KAZN: variants seen among roughly 807,000 people sequenced by gnomAD.
KAZN encodes kazrin, periplakin interacting protein, also known as kazrin.
In KAZN, 40 loss-of-function variants were observed where a neutral mutation model predicts 87.4. That is an observed-to-expected ratio of 0.46 (90% CI 0.36 to 0.60). The LOEUF (loss-of-function observed/expected upper bound fraction) is 0.60, where lower values mean the gene tolerates loss of function less well. Ranked by LOEUF, KAZN falls within the 20% of genes least tolerant of loss-of-function variation. The pLI is 0.00. For synonymous variants in KAZN, 466 were observed against 458.3 expected (o/e 1.02, Z -0.22); for missense variants, 898 against 1,073.9 (o/e 0.84, Z 2.29).
At chr1:14,445,500 C>T (rs34533856) in intron 2 of KAZN, among the ~76,000 whole-genome samples, 38,656 of 152,084 alleles carry the variant, frequency 0.25, 5,639 homozygotes, top group Middle Eastern at 0.42. Flanking sequence ...TTCTTCCCTA[C>T]GGCTTTCAGA....
rs559156767 is a variant in KAZN at position 14,903,188 on chromosome 1, G to C, written c.227-57496G>C. ...CTGGCCGCCTCTTATTTCTGTGGTG[G>C]TCTCTCTGATCACCCACTTAGGATG... On this transcript the variant is annotated intron_variant, in intron 1 of 14. Transcript: ENST00000376030. Among the ~76,000 whole-genome samples, 4 of 152,146 alleles carry C rather than the reference G, an allele frequency of 2.6e-5. No individual in the cohort carries two copies. In the South Asian group the frequency reaches 6.2e-4, roughly 24 times the overall value.
rs147674102 is a variant in KAZN, at chr1:14,685,663, G to A, written c.226+86440G>A. 2.0e-5 allele frequency among the ~76,000 whole-genome samples: 3 copies of A among 152,294 alleles called. No homozygotes were observed. In the East Asian group the frequency reaches 5.8e-4, roughly 29 times the overall value. On this transcript the variant is annotated intron_variant, in intron 1 of 14. Coordinates refer to ENST00000376030, the MANE Select transcript of KAZN (RefSeq NM_201628.3). ...TATGCCAGTTGTACTGTTATTTAATGAAACTAAGGTGAAAACTTGTTAGGA... is the reference window on the plus strand; with the variant it reads ...TATGCCAGTTGTACTGTTATTTAATAAAACTAAGGTGAAAACTTGTTAGGA...
At chr1:14,516,636 A>T (rs1184589155) in intron 2 of KAZN, among the ~76,000 whole-genome samples, 1 of 152,212 alleles carries the variant, frequency 6.6e-6, no homozygotes. Flanking sequence ...ATTTTATTGT[A>T]TCAAGGTATT....
At chr1:14,275,520 T>A (rs1175304582) in intron 2 of KAZN, among the ~76,000 whole-genome samples, 1 of 151,478 alleles carries the variant, frequency 6.6e-6, no homozygotes, top group African/African-American at 2.4e-5. Flanking sequence ...TTAACTGATT[T>A]TGACCTTGAT....
chr1:14,144,889 C>T (rs1402851031), intron 1 of KAZN, among the ~76,000 whole-genome samples: 1 of 152,188 alleles, frequency 6.6e-6, no homozygotes, highest in Non-Finnish European at 1.5e-5. Context: ...AAGGCATCTA[C>T]TAATGAAGGA....
chr1:14,493,123 C>T (rs1016079146), intron 2 of KAZN, among the ~76,000 whole-genome samples: 6 of 152,164 alleles, frequency 3.9e-5, no homozygotes, highest in Non-Finnish European at 5.9e-5. Flanking sequence ...CGTGCCCCTC[C>T]CTCCCACCTG....
At position 13,952,512 on chromosome 1, in the gene KAZN, C is replaced by T. The variant is rs187868540; in HGVS notation, c.91+58756C>T. Among the ~76,000 whole-genome samples, 651 of 152,112 alleles carry T rather than the reference C, an allele frequency of 4.3e-3. 3 individuals are homozygous for T. The highest frequency in any genetic ancestry group is 0.015 in the African/African-American group (623 of 41,486). ...GGCACTATCTTATCTCTCCTCTCAC[C>T]CCTTACATGGAGGTGAATTTTGGCT... On this transcript the variant is annotated intron_variant, in intron 1 of 16. Transcript: ENST00000636203.
At chr1:14,706,331 C>G (rs996517842) in intron 1 of KAZN, among the ~76,000 whole-genome samples, 7 of 152,056 alleles carry the variant, frequency 4.6e-5, no homozygotes, top group Admixed American at 1.3e-4. Context: ...ACCATCCCCC[C>G]ACCCCGCCAA....
chr1:14,174,524 C>T (rs1646027532), intron 1 of KAZN, among the ~76,000 whole-genome samples: 2 of 152,054 alleles, frequency 1.3e-5, no homozygotes, highest in Admixed American at 1.3e-4. Context: ...TAAACATCTG[C>T]TTATTTGAGC....
chr1:14,866,612 A>G (rs1031835232), intron 1 of KAZN, among the ~76,000 whole-genome samples: 1 of 152,188 alleles, frequency 6.6e-6, no homozygotes, highest in South Asian at 2.1e-4. Context: ...CTGTAATCCC[A>G]GCTGCTCAGA....
intron 1 of KAZN, among the ~76,000 whole-genome samples, chr1:13,986,914 G>T (rs914516817): frequency 5.9e-5 from 9 of 152,162 alleles, no homozygotes; most frequent in African/African-American, 2.2e-4. Context: ...TGTCCTTCTG[G>T]TTCCTTCCTC....
intron 1 of KAZN, among the ~76,000 whole-genome samples, chr1:14,143,555 G>A (rs563195870): frequency 6.6e-6 from 1 of 152,220 alleles, no homozygotes; most frequent in African/African-American, 2.4e-5. Flanking sequence ...GTGTAATTGT[G>A]TCAGAATTTT....
At chr1:13,937,051 GTT>G (rs70984302) in intron 1 of KAZN, among the ~76,000 whole-genome samples, 2,365 of 134,744 alleles carry the variant, frequency 0.018, 55 homozygotes, top group African/African-American at 0.058. Context: ...TTTTTCTTTT[GTT>G]TTTTTTTTTT....
intron 1 of KAZN, among the ~76,000 whole-genome samples, chr1:14,100,844 G>C (rs1644233801): frequency 1.3e-5 from 2 of 152,326 alleles, no homozygotes; most frequent in South Asian, 4.1e-4. Context: ...GACCTGGTGG[G>C]AGGTAATTGA....
Position 15,081,777 on chromosome 1 carries a change from G to T in KAZN, c.1223-12403G>T, listed in dbSNP as rs184022302. Among the ~76,000 whole-genome samples, 17 of 152,296 alleles carry T rather than the reference G, an allele frequency of 1.1e-4. No individual in the cohort carries two copies. The highest frequency in any genetic ancestry group is 1.1e-3 in the Admixed American group (17 of 15,304). On this transcript the variant is annotated intron_variant, in intron 8 of 14. Coordinates refer to ENST00000376030, the MANE Select transcript of KAZN (RefSeq NM_201628.3). This position sits in a 1 kb window ranked among gnomAD's most constrained non-coding sequence, Gnocchi z 4.1. The stretch of plus-strand genomic sequence containing the variant: ...GGGGAATTAGGGGCATCGGGGAAAT[G>T]CAGGAAGCCCAGGGTGCCAAGGGCA...
At chr1:14,616,859 C>T (rs1413882823) in intron 1 of KAZN, among the ~76,000 whole-genome samples, 1 of 152,210 alleles carries the variant, frequency 6.6e-6, no homozygotes, top group Non-Finnish European at 1.5e-5. Context: ...CTGCTCCTGA[C>T]CGTTTGTAAT....
intron 1 of KAZN, among the ~76,000 whole-genome samples, chr1:13,985,655 T>C (rs1191882015): frequency 1.3e-5 from 2 of 151,694 alleles, no homozygotes; most frequent in Non-Finnish European, 2.9e-5. Flanking sequence ...AAAAAAACCC[T>C]GTACCTGTTA....
intron 2 of KAZN, among the ~76,000 whole-genome samples, chr1:15,026,863 G>T (rs973162168): frequency 6.6e-6 from 1 of 152,108 alleles, no homozygotes; most frequent in Non-Finnish European, 1.5e-5. Flanking sequence ...ATTTAGAGAT[G>T]ATTTACAGTA....
intron 1 of KAZN, among the ~76,000 whole-genome samples, chr1:14,874,633 T>C (rs1222112047): frequency 1.3e-5 from 2 of 152,212 alleles, no homozygotes; most frequent in Non-Finnish European, 2.9e-5. Flanking sequence ...TGACACTCCG[T>C]GTGCCAGAAC....
Sources: allele counts gnomAD v4.1 joint callset (sites outside exome capture counted in the v4.1 genomes callset), GRCh38; gene constraint gnomAD v4.1.1; non-coding constraint Gnocchi (gnomAD v3.1); transcripts MANE v1.5; gene names NCBI Gene and HGNC (gene_info 2026-07-23, HGNC 2026-07-21).